The following DNAI4 variants were observed in gnomAD, a reference collection of about 807,000 sequenced individuals.
DNAI4 encodes WD repeat domain 78.
A neutral mutation model predicts 105.8 loss-of-function variants in DNAI4; 85 were observed. The ratio of observed to expected loss-of-function variants is 0.80; its 90% CI spans 0.67 to 0.96. The LOEUF is 0.96. DNAI4 is among the 40% of genes least tolerant of loss of function. The probability of loss-of-function intolerance (pLI) is 0.00; values close to 1 mark genes in which losing one functional copy is unlikely to be tolerated. For synonymous variants in DNAI4, 352 were observed against 331.5 expected, an observed-to-expected ratio of 1.06 and a Z score of -0.67; for missense variants, 1,014 against 1,005.6, an observed-to-expected ratio of 1.01 and a Z score of -0.11.
intron 7 of DNAI4, among the ~76,000 whole-genome samples, chr1:66,853,469 C>T (rs545919): frequency 0.99 from 151,231 of 152,328 alleles, 75,078 homozygotes; most frequent in Middle Eastern, 1. Flanking sequence ...AAGTTTTAAC[C>T]AGGCTAAAGG....
chr1:66,847,725 G>A, intron 7 of DNAI4, 47 bp from the exon 8 acceptor site: 1 of 1,345,760 alleles, frequency 7.4e-7, no homozygotes, highest in Non-Finnish European at 1.0e-6. Flanking sequence ...CAAATGGATG[G>A]TTCATACATT....
intron 7 of DNAI4, among the ~76,000 whole-genome samples, chr1:66,854,581 C>T (rs369159984): frequency 1.0e-3 from 159 of 152,268 alleles, no homozygotes; most frequent in African/African-American, 3.6e-3. Context: ...GCAGGCAGAT[C>T]ACCTGAGATC....
intron 12 of DNAI4, 29 bp from the exon 13 acceptor site, chr1:66,833,735 T>G (rs1437247750): frequency 6.2e-7 from 1 of 1,604,498 alleles, no homozygotes; most frequent in Non-Finnish European, 8.5e-7. Flanking sequence ...ATATATAACT[T>G]GTTATTTACC....
intron 4 of DNAI4, among the ~76,000 whole-genome samples, chr1:66,883,303 A>C (rs950327543): frequency 6.7e-6 from 1 of 148,356 alleles, no homozygotes; most frequent in Non-Finnish European, 1.5e-5. Flanking sequence ...TTTGAGACGG[A>C]GTTTCACTCT....
At chr1:66,863,159 T>C (rs1250431588) in intron 6 of DNAI4, among the ~76,000 whole-genome samples, 2 of 152,224 alleles carry the variant, frequency 1.3e-5, no homozygotes, top group African/African-American at 2.4e-5. Context: ...TATCTTTAAA[T>C]AATAACTTAA....
rs1294209004 is a variant in DNAI4, at chr1:66,862,156, T to C, written c.1087A>G (p.Thr363Ala). ...DQDQRLPGSTTEKNSETSSLM... is the reference protein window; with the variant it reads ...DQDQRLPGSTAEKNSETSSLM... Reference sequence around the variant, plus strand: ...ATAAATGAAATCTTACTTTTTTCTGTAGTGCTCCCTGGCAATCTTTGGTCC... The same window carrying C: ...ATAAATGAAATCTTACTTTTTTCTGCAGTGCTCCCTGGCAATCTTTGGTCC... Residue 363 changes from threonine to alanine, a missense_variant, in exon 7 of 17, where the codon ACA becomes GCA. By Grantham distance (58) the Thr-to-Ala change is moderately conservative (BLOSUM62 0). Coordinates refer to ENST00000371026, the MANE Select transcript of DNAI4 (RefSeq NM_024763.5). The C allele has an allele frequency of 3.2e-6, 5 of 1,574,842 alleles. No individual in the cohort carries two copies. Among genetic ancestry groups the C allele is most frequent in the Non-Finnish European group, 1.7e-6 (2 of 1,167,408 alleles).
intron 1 of DNAI4, among the ~76,000 whole-genome samples, chr1:66,905,686 C>T (rs1649186986): frequency 1.3e-5 from 2 of 152,098 alleles, no homozygotes; most frequent in Admixed American, 6.6e-5. Flanking sequence ...ATCCTAAGTC[C>T]ATGCTGACTT....
At chr1:66,859,938 C>T (rs1361143836) in intron 7 of DNAI4, among the ~76,000 whole-genome samples, 1 of 151,962 alleles carries the variant, frequency 6.6e-6, no homozygotes, top group Non-Finnish European at 1.5e-5. Flanking sequence ...AACTATATAA[C>T]ACAAAGAATG....
At position 66,924,664 on chromosome 1, in the gene DNAI4, C is replaced by A. The variant is rs534984894; in HGVS notation, c.168G>T (p.Gly56=). ...PAGSHKQQNF[G]LNNATQPKKS... is the part of the protein sequence containing the mutation. The stretch of plus-strand genomic sequence containing the variant: ...CGGTTTTTAGCGCCGGAACTTACAA[C>A]CCGAAGTTCTGCTGCTTGTGACTGC... Residue 56 remains glycine (G), a splice_region_variant and synonymous_variant, in exon 1 of 17, where the codon GGG becomes GGT. Transcript: ENST00000371026. 1.3e-4 allele frequency: 202 copies of A among 1,614,264 alleles called. No individual in the cohort carries two copies. Among genetic ancestry groups the A allele is most frequent in the Non-Finnish European group, 1.6e-4 (185 of 1,180,050 alleles).
intron 7 of DNAI4, among the ~76,000 whole-genome samples, chr1:66,852,060 G>A (rs557156405): frequency 2.0e-5 from 3 of 151,348 alleles, no homozygotes; most frequent in Non-Finnish European, 3.0e-5. Context: ...AAAATCAGGA[G>A]TAAAATAGTA....
intron 7 of DNAI4, among the ~76,000 whole-genome samples, chr1:66,850,142 C>A (rs1351454787): frequency 2.2e-4 from 29 of 129,454 alleles, no homozygotes; most frequent in Middle Eastern, 3.7e-3. Context: ...AACAGAAGAC[C>A]AAAAAAAAAA....
intron 13 of DNAI4, among the ~76,000 whole-genome samples, chr1:66,829,539 T>G (rs985172825): frequency 6.6e-6 from 1 of 152,170 alleles, no homozygotes; most frequent in African/African-American, 2.4e-5. Context: ...AATATATGTA[T>G]GTACCTAATA....
chr1:66,846,611 A>G (rs1255048793), intron 8 of DNAI4, among the ~76,000 whole-genome samples: 1 of 152,212 alleles, frequency 6.6e-6, no homozygotes, highest in Non-Finnish European at 1.5e-5. Context: ...CTGTGGCCAT[A>G]TTGCAGATAT....
chr1:66,890,858 G>GAGGAAT lies in DNAI4; in HGVS notation c.643+295_643+296insATTCCT, dbSNP rs1647564328. ...GGAAGAAAAGGAAGAGGAAGAAGAA[G>GAGGAAT]AGGAAGAGGAAGAAGAAGAAGAAGA... On this transcript the variant is annotated intron_variant, in intron 4 of 16. Transcript: ENST00000371026. This position sits in a 1 kb window ranked among gnomAD's most constrained non-coding sequence, Gnocchi z 4.1. The GAGGAAT allele has an allele frequency of 2.4e-6, 1 of 414,876 alleles. No homozygotes were observed. Among genetic ancestry groups the GAGGAAT allele is most frequent in the African/African-American group, 2.3e-5 (1 of 43,586 alleles). 25.7% of individuals were successfully genotyped at this position (414,876 alleles called of 1,614,324 possible). A position where few individuals can be genotyped will look rare whatever the true frequency, so the allele number is the denominator to read the frequency against.
At chr1:66,814,317 G>A in intron 16 of DNAI4, 137 bp from the exon 17 acceptor site, 1 of 638,166 alleles carries the variant, frequency 1.6e-6, no homozygotes, top group South Asian at 2.2e-5. Flanking sequence ...AACAAGCAAA[G>A]GTAAGTTTAA....
At chr1:66,912,862 G>A (rs1444679714) in intron 1 of DNAI4, among the ~76,000 whole-genome samples, 3 of 152,100 alleles carry the variant, frequency 2.0e-5, no homozygotes, top group African/African-American at 7.2e-5. Context: ...TAACTTTATG[G>A]CTCAAACCAA....
intron 7 of DNAI4, chr1:66,848,339 C>A (rs192548900): frequency 1.6e-5 from 7 of 447,524 alleles, no homozygotes; most frequent in Admixed American, 9.7e-5. Context: ...CTTTTTAGTA[C>A]CCCATGTGAT....
chr1:66,863,430 G>A (rs140371746), intron 6 of DNAI4, among the ~76,000 whole-genome samples: 64 of 151,942 alleles, frequency 4.2e-4, no homozygotes, highest in Admixed American at 2.2e-3. Flanking sequence ...GGTAATAATC[G>A]GGTTTTTTGT....
intron 1 of DNAI4, among the ~76,000 whole-genome samples, chr1:66,919,981 A>C (rs1210926845): frequency 3.3e-5 from 5 of 152,202 alleles, no homozygotes; most frequent in African/African-American, 9.6e-5. Context: ...GGGCAGAAGA[A>C]GGCAGGTCCC....
Sources: gnomAD v4.1 joint callset for allele counts (sites outside exome capture counted in the v4.1 genomes callset) on GRCh38, gnomAD v4.1.1 for gene constraint, Gnocchi (gnomAD v3.1) non-coding constraint, MANE v1.5 for transcripts, NCBI Gene and HGNC (gene_info 2026-07-23, HGNC 2026-07-21) for gene names.